Variants in CNTNAP2 observed in about 807,000 individuals in gnomAD.
The protein encoded by CNTNAP2 is contactin-associated protein-like 2.
Under a neutral mutation model 155.2 loss-of-function variants are expected in CNTNAP2, and 98 were observed. That is an observed-to-expected ratio of 0.63 (90% CI 0.54 to 0.75). CNTNAP2 has a LOEUF of 0.75. CNTNAP2 is among the 30% of genes least tolerant of loss of function. CNTNAP2 has a pLI of 0.00. For synonymous variants in CNTNAP2, 651 were observed against 631.2 expected (o/e 1.03, Z -0.47); for missense variants, 1,727 against 1,688.1 (o/e 1.02, Z -0.40).
intron 1 of CNTNAP2, among the ~76,000 whole-genome samples, chr7:146,222,692 G>T (rs186361241): frequency 4.5e-4 from 65 of 144,498 alleles, no homozygotes; most frequent in Admixed American, 9.3e-4. Context: ...AGTCTCGCTT[G>T]TCGCCCAGGC....
At chr7:146,211,193 G>A (rs1265727456) in intron 1 of CNTNAP2, among the ~76,000 whole-genome samples, 5 of 152,108 alleles carry the variant, frequency 3.3e-5, no homozygotes, top group Admixed American at 2.6e-4. Context: ...TATGTAAGTT[G>A]CTTAAAGATT....
At chr7:146,938,437 G>A (rs1412120203) in intron 3 of CNTNAP2, among the ~76,000 whole-genome samples, 1 of 149,992 alleles carries the variant, frequency 6.7e-6, no homozygotes, top group African/African-American at 2.4e-5. Context: ...ATGTATACAT[G>A]TGTGTATACA....
chr7:146,585,508 A>G (rs946492186), intron 1 of CNTNAP2, among the ~76,000 whole-genome samples: 24 of 152,162 alleles, frequency 1.6e-4, no homozygotes, highest in African/African-American at 5.8e-4. Flanking sequence ...AAACTTGTGC[A>G]AATGCTTTAC....
intron 3 of CNTNAP2, among the ~76,000 whole-genome samples, chr7:146,931,839 G>T (rs1471625906): frequency 6.6e-6 from 1 of 152,138 alleles, no homozygotes; most frequent in Non-Finnish European, 1.5e-5. Flanking sequence ...AAATCTAGAA[G>T]AAATGGATAC....
intron 8 of CNTNAP2, among the ~76,000 whole-genome samples, chr7:147,291,090 T>C (rs112069473): frequency 0.028 from 4,279 of 152,252 alleles, 87 homozygotes; most frequent in Non-Finnish European, 0.046. Flanking sequence ...CCATTCCCAC[T>C]TGTGCCCACC....
At chr7:147,777,850 G>A (rs547092338) in intron 13 of CNTNAP2, among the ~76,000 whole-genome samples, 13 of 152,086 alleles carry the variant, frequency 8.5e-5, no homozygotes, top group Non-Finnish European at 1.6e-4. Context: ...TTCTCTAAGT[G>A]CATCATTTTG....
chr7:148,379,600 T>C (rs1279065152), intron 21 of CNTNAP2, among the ~76,000 whole-genome samples: 2 of 152,162 alleles, frequency 1.3e-5, no homozygotes, highest in East Asian at 3.9e-4. Flanking sequence ...TGGTTCCAGC[T>C]ACTCAAAGAG....
rs753276613 is a variant in CNTNAP2, at chr7:148,409,455, C to T, written c.3780C>T (p.Asn1260=). 2.5e-6 allele frequency: 4 copies of T among 1,613,734 alleles called. No individual in the cohort carries two copies. In the African/African-American group the frequency reaches 4.0e-5, roughly 16 times the overall value. The change falls in exon 23 of 24, where the codon AAC becomes AAT. Residue 1260 remains asparagine, a synonymous_variant. Transcript: ENST00000361727. ...GQAIRNGVNR[N]SAIIGGVIAV... ...CTATAAGAAATGGAGTCAACAGAAA[C>T]TCGGCTATCATTGGAGGTAGGTGAT...
intron 6 of CNTNAP2, among the ~76,000 whole-genome samples, chr7:147,123,422 GCA>G (rs1801160739): frequency 6.6e-6 from 1 of 152,184 alleles, no homozygotes; most frequent in Admixed American, 6.5e-5. Flanking sequence ...GACTATTCAC[GCA>G]CACACAACAC....
At chr7:147,738,010 C>T (rs112007305) in intron 13 of CNTNAP2, among the ~76,000 whole-genome samples, 13 of 152,274 alleles carry the variant, frequency 8.5e-5, no homozygotes, top group African/African-American at 3.1e-4. Flanking sequence ...TGCTCGGTGC[C>T]CTGCACCCAC....
chr7:146,740,841 C>A (rs1801699643), intron 1 of CNTNAP2, among the ~76,000 whole-genome samples: 1 of 152,196 alleles, frequency 6.6e-6, no homozygotes. Flanking sequence ...CTACCCAAAG[C>A]CTGGGACCAC....
intron 9 of CNTNAP2, among the ~76,000 whole-genome samples, chr7:147,326,911 G>C (rs6954639): frequency 0.41 from 62,596 of 152,104 alleles, 13,077 homozygotes; most frequent in South Asian, 0.49. Context: ...TTATTTACCA[G>C]TGCTTTTCAA....
chr7:147,163,197 G>A (rs1802060052), intron 8 of CNTNAP2, among the ~76,000 whole-genome samples: 1 of 152,164 alleles, frequency 6.6e-6, no homozygotes, highest in South Asian at 2.1e-4. Flanking sequence ...GAAGACAGAG[G>A]ACAATGAGTC....
At chr7:148,174,006 AT>A (rs1209951388) in intron 18 of CNTNAP2, among the ~76,000 whole-genome samples, 31 of 152,228 alleles carry the variant, frequency 2.0e-4, no homozygotes, top group Admixed American at 1.6e-3. Flanking sequence ...GCAGGGGCAT[AT>A]CCTCTCCAGG....
chr7:147,665,838 A>G (rs529290272), intron 13 of CNTNAP2, among the ~76,000 whole-genome samples: 6 of 152,176 alleles, frequency 3.9e-5, no homozygotes, highest in African/African-American at 4.8e-5. Context: ...TCCATGGTGT[A>G]TATGTACCAC....
At chr7:147,251,152 C>T (rs1804188556) in intron 8 of CNTNAP2, among the ~76,000 whole-genome samples, 1 of 152,136 alleles carries the variant, frequency 6.6e-6, no homozygotes, top group Admixed American at 6.6e-5. Context: ...CGCTAGAGGA[C>T]TCTGTGGCCA....
chr7:147,978,493 A>C (rs1489240081), intron 15 of CNTNAP2, among the ~76,000 whole-genome samples: 1 of 152,118 alleles, frequency 6.6e-6, no homozygotes, highest in African/African-American at 2.4e-5. Context: ...TGTAAGCCAA[A>C]GATTGTTTCT....
At chr7:146,117,188 G>T in intron 1 of CNTNAP2, 1 of 571,822 alleles carries the variant, frequency 1.7e-6, no homozygotes, top group South Asian at 2.2e-5. Flanking sequence ...TGATGTTTCT[G>T]GAAAGTTGTT....
At chr7:146,969,508 A>G (rs4517032) in intron 3 of CNTNAP2, among the ~76,000 whole-genome samples, 40,322 of 152,018 alleles carry the variant, frequency 0.27, 6,607 homozygotes, top group Non-Finnish European at 0.36. Flanking sequence ...TATTGGGTGC[A>G]TATATATTTA....
Sources: allele counts gnomAD v4.1 joint callset (sites outside exome capture counted in the v4.1 genomes callset), GRCh38; gene constraint gnomAD v4.1.1; transcripts MANE v1.5; gene names NCBI Gene and HGNC (gene_info 2026-07-23, HGNC 2026-07-21).